Variants in ATP9B observed in about 807,000 individuals in gnomAD.
The protein encoded by ATP9B is ATPase phospholipid transporting 9B, also known as probable phospholipid-transporting ATPase IIB.
A neutral mutation model predicts 146.1 loss-of-function variants in ATP9B; 110 were observed. That is an observed-to-expected ratio of 0.75 (90% CI 0.65 to 0.88). The LOEUF is 0.88. Ranked by LOEUF, ATP9B falls within the 40% of genes least tolerant of loss-of-function variation. The pLI is 0.00. For missense variants in ATP9B, 1,499 were observed against 1,496.4 expected (o/e 1.00, Z -0.03); for synonymous variants, 604 against 569.7 (o/e 1.06, Z -0.86).
At chr18:79,336,863 GT>G (rs2096830047) in intron 18 of ATP9B, 152 bp downstream of exon 18, 2 of 772,158 alleles carry the variant, frequency 2.6e-6, no homozygotes, top group African/African-American at 3.5e-5. Context: ...GGGTGATCCT[GT>G]CTGCATTTCT....
intron 14 of ATP9B, among the ~76,000 whole-genome samples, chr18:79,305,061 A>G (rs752316818): frequency 3.6e-4 from 54 of 151,902 alleles, no homozygotes; most frequent in Non-Finnish European, 6.3e-4. Flanking sequence ...TACACAGCCC[A>G]CCCTGGGAGG....
chr18:79,313,128 C>T (rs2096661947), intron 15 of ATP9B, among the ~76,000 whole-genome samples: 2 of 152,116 alleles, frequency 1.3e-5, no homozygotes, highest in East Asian at 1.9e-4. Flanking sequence ...CTGATAGATA[C>T]GTAAAAATCT....
intron 10 of ATP9B, among the ~76,000 whole-genome samples, chr18:79,211,128 T>C (rs1181674543): frequency 6.6e-6 from 1 of 152,176 alleles, no homozygotes; most frequent in Non-Finnish European, 1.5e-5. Flanking sequence ...AAATATTGAG[T>C]GGACTACTTG....
At chr18:79,180,117 C>G (rs961635509) in intron 8 of ATP9B, among the ~76,000 whole-genome samples, 207 of 151,924 alleles carry the variant, frequency 1.4e-3, no homozygotes, top group African/African-American at 4.8e-3. Flanking sequence ...GTTTATCTTC[C>G]ATTAGTGTGT....
chr18:79,330,688 T>C (rs1430680833), intron 17 of ATP9B, among the ~76,000 whole-genome samples: 1 of 152,206 alleles, frequency 6.6e-6, no homozygotes, highest in Non-Finnish European at 1.5e-5. Context: ...GCTGGCATTA[T>C]ATGCATGAGC....
intron 15 of ATP9B, among the ~76,000 whole-genome samples, chr18:79,328,101 G>T (rs1307114336): frequency 4.7e-5 from 7 of 149,922 alleles, no homozygotes; most frequent in Non-Finnish European, 7.4e-5. Context: ...TGGTTAGCGT[G>T]CTCTCTGTGG....
intron 11 of ATP9B, among the ~76,000 whole-genome samples, chr18:79,238,828 C>T (rs1448916506): frequency 6.6e-6 from 1 of 152,020 alleles, no homozygotes; most frequent in Non-Finnish European, 1.5e-5. Flanking sequence ...GAAATATCTG[C>T]AGTGGCCACA....
chr18:79,338,557 T>C (rs984444826), intron 19 of ATP9B, among the ~76,000 whole-genome samples: 61 of 152,302 alleles, frequency 4.0e-4, no homozygotes, highest in African/African-American at 1.4e-3. Context: ...TTATCTTGGA[T>C]GGGAGAGGTT....
chr18:79,092,975 G>A (rs1310850440), intron 1 of ATP9B, among the ~76,000 whole-genome samples: 2 of 152,120 alleles, frequency 1.3e-5, no homozygotes, highest in African/African-American at 4.8e-5. Flanking sequence ...CTGTACATAA[G>A]TGTATATGCT....
chr18:79,095,976 A>G (rs2074744717), intron 1 of ATP9B, among the ~76,000 whole-genome samples: 1 of 152,186 alleles, frequency 6.6e-6, no homozygotes, highest in South Asian at 2.1e-4. Flanking sequence ...AAAGATATAA[A>G]CTGTCAGCAA....
At chr18:79,237,689 TGG>T (rs72074123) in intron 11 of ATP9B, among the ~76,000 whole-genome samples, 21,789 of 142,716 alleles carry the variant, frequency 0.15, 1,842 homozygotes, top group Admixed American at 0.19. Flanking sequence ...TTTTTTTTTT[TGG>T]GGGGGGGTGG....
At chr18:79,282,629 T>C (rs1446729069) in intron 13 of ATP9B, among the ~76,000 whole-genome samples, 1 of 152,240 alleles carries the variant, frequency 6.6e-6, no homozygotes, top group Non-Finnish European at 1.5e-5. Context: ...CTTACTATAG[T>C]GTAAACATCA....
chr18:79,251,945 A>T (rs1158164596), intron 11 of ATP9B, among the ~76,000 whole-genome samples: 1 of 152,242 alleles, frequency 6.6e-6, no homozygotes, highest in Non-Finnish European at 1.5e-5. Context: ...CGCTAATGTC[A>T]CATAGATCAG....
chr18:79,277,927 C>T (rs2096331883), intron 13 of ATP9B, among the ~76,000 whole-genome samples: 1 of 152,104 alleles, frequency 6.6e-6, no homozygotes, highest in East Asian at 1.9e-4. Context: ...TAGTTTTAAA[C>T]TATTAAATAG....
chr18:79,208,063 G>A (rs2095551115), intron 10 of ATP9B, among the ~76,000 whole-genome samples: 2 of 152,158 alleles, frequency 1.3e-5, no homozygotes, highest in African/African-American at 2.4e-5. Context: ...GGCTAACACT[G>A]TGAAACCCCG....
At chr18:79,194,880 A>C (rs2095404521) in intron 9 of ATP9B, among the ~76,000 whole-genome samples, 2 of 152,254 alleles carry the variant, frequency 1.3e-5, no homozygotes, top group Non-Finnish European at 2.9e-5. Context: ...CAGGTTTTGC[A>C]CACAGAAGAA....
chr18:79,108,239 A>G (rs1215364198), intron 2 of ATP9B, among the ~76,000 whole-genome samples: 1 of 152,192 alleles, frequency 6.6e-6, no homozygotes, highest in Non-Finnish European at 1.5e-5. Flanking sequence ...TGGACAGTAC[A>G]AGCAAGAGGT....
chr18:79,229,603 G>A (rs1329363624), intron 11 of ATP9B, among the ~76,000 whole-genome samples: 2 of 152,188 alleles, frequency 1.3e-5, no homozygotes, highest in African/African-American at 4.8e-5. Context: ...GGCAGATGAT[G>A]GTGTGTTTCC....
rs766579381 is a variant in ATP9B, at chr18:79,200,324, C to G, written c.955-6613C>G. On this transcript the variant is annotated intron_variant, in intron 9 of 29. Transcript: ENST00000426216. ...GTACCTGAAGCAGAAACTGTTAGAA[C>G]TTCAAGGAGAAACTGACAAATCCAT... Among the ~76,000 whole-genome samples the G allele has an allele frequency of 9.8e-4, 149 of 152,194 alleles. 1 individual carries two copies. The highest frequency in any genetic ancestry group is 3.8e-4 in the Non-Finnish European group (26 of 68,036).
Sources: gnomAD v4.1 joint callset for allele counts (sites outside exome capture counted in the v4.1 genomes callset) on GRCh38, gnomAD v4.1.1 for gene constraint, MANE v1.5 for transcripts, NCBI Gene and HGNC (gene_info 2026-07-23, HGNC 2026-07-21) for gene names.